WWOX: variants seen among roughly 807,000 people sequenced by gnomAD.
WWOX encodes the protein WW domain containing oxidoreductase, also known as WW domain-containing oxidoreductase.
A neutral mutation model predicts 46.2 loss-of-function variants in WWOX; 69 were observed. The ratio of observed to expected loss-of-function variants is 1.49; its 90% CI spans 1.23 to 1.82. WWOX has a LOEUF of 1.82. Ranked by LOEUF, WWOX falls within the 40% of genes most tolerant of loss-of-function variation. The pLI is 0.00. For synonymous variants in WWOX, 359 were observed against 202.6 expected (o/e 1.77, Z -6.56); for missense variants, 919 against 542.6 (o/e 1.69, Z -6.89).
chr16:78,244,112 T>G (rs34466066), intron 5 of WWOX, among the ~76,000 whole-genome samples: 18,288 of 152,232 alleles, frequency 0.12, 1,325 homozygotes, highest in Non-Finnish European at 0.17. Context: ...GCTCTCCTGT[T>G]TTCTGCCTGT....
At position 78,386,853 on chromosome 16, in the gene WWOX, A is replaced by C; in HGVS notation, c.517-7A>C. ...TTATCATTTCTTTTTATTTTCTCTC[A>C]TTGCAGCATAAAGCCAAGGTAGAAG... On this transcript the variant is annotated splice_polypyrimidine_tract_variant and splice_region_variant and intron_variant, in intron 5 of 8. Coordinates refer to ENST00000566780, the MANE Select transcript of WWOX (RefSeq NM_016373.4). The C allele has an allele frequency of 6.2e-7, 1 of 1,612,436 alleles. No individual in the cohort carries two copies. Among genetic ancestry groups the C allele is most frequent in the Non-Finnish European group, 8.5e-7 (1 of 1,178,522 alleles).
At chr16:78,392,396 G>C (rs1484394962) in intron 6 of WWOX, among the ~76,000 whole-genome samples, 3 of 151,894 alleles carry the variant, frequency 2.0e-5, no homozygotes, top group Admixed American at 6.6e-5. Flanking sequence ...AACAAGCTCA[G>C]GGCTCCCACC....
chr16:78,412,031 G>C (rs914864064), intron 6 of WWOX, among the ~76,000 whole-genome samples: 5 of 152,342 alleles, frequency 3.3e-5, no homozygotes, highest in East Asian at 1.9e-4. Flanking sequence ...TGACTTCCCA[G>C]ATGTGAGGGT....
intron 8 of WWOX, among the ~76,000 whole-genome samples, chr16:78,560,567 C>T (rs1319853328): frequency 6.6e-6 from 1 of 152,112 alleles, no homozygotes; most frequent in Non-Finnish European, 1.5e-5. Context: ...TCCCTTGAAC[C>T]TGGGAGGTGG....
At position 78,342,141 on chromosome 16, in the gene WWOX, A is replaced by G. The variant is rs1355115390; in HGVS notation, c.517-44719A>G. Among the ~76,000 whole-genome samples, 2 of 121,262 alleles carry G rather than the reference A, an allele frequency of 1.6e-5. 1 individual carries two copies. Among genetic ancestry groups the G allele is most frequent in the Non-Finnish European group, 3.9e-5 (2 of 50,718 alleles). 79.6% of individuals were successfully genotyped at this position (121,262 alleles called of 152,430 possible). On this transcript the variant is annotated intron_variant, in intron 5 of 8. Coordinates refer to ENST00000566780, the MANE Select transcript of WWOX (RefSeq NM_016373.4). ...AAGAAAATGTTCAAGAAGAAATACA[A>G]ACTATTGAAAAAGGAAGGCTGAATG... is the stretch of plus-strand genomic sequence containing the variant.
intron 8 of WWOX, among the ~76,000 whole-genome samples, chr16:78,599,794 A>G (rs929654828): frequency 3.3e-5 from 5 of 152,130 alleles, no homozygotes; most frequent in Middle Eastern, 3.4e-3. Flanking sequence ...CAGTCTCTGC[A>G]CTCTGGGTCT....
intron 1 of WWOX, among the ~76,000 whole-genome samples, chr16:78,105,875 C>T (rs1567572191): frequency 6.6e-6 from 1 of 152,116 alleles, no homozygotes; most frequent in African/African-American, 2.4e-5. Flanking sequence ...GATTTTGGCT[C>T]ACTGCAACCT....
intron 8 of WWOX, among the ~76,000 whole-genome samples, chr16:78,819,742 G>A (rs117261936): frequency 0.015 from 2,269 of 152,306 alleles, 28 homozygotes; most frequent in Non-Finnish European, 0.023. Flanking sequence ...CGCCTGCCCT[G>A]CATCACCAGC....
chr16:79,153,275 T>C (rs2050316927), intron 8 of WWOX, among the ~76,000 whole-genome samples: 1 of 152,088 alleles, frequency 6.6e-6, no homozygotes, highest in African/African-American at 2.4e-5. Flanking sequence ...ACTTCCTTTC[T>C]CCAGCTGTGA....
At chr16:78,698,088 A>G (rs991114948) in intron 8 of WWOX, among the ~76,000 whole-genome samples, 1 of 152,206 alleles carries the variant, frequency 6.6e-6, no homozygotes, top group Non-Finnish European at 1.5e-5. Context: ...TATTGTTGTC[A>G]TCATGTATAT....
chr16:79,197,053 G>A (rs1028195672), intron 8 of WWOX, among the ~76,000 whole-genome samples: 2 of 152,198 alleles, frequency 1.3e-5, no homozygotes, highest in African/African-American at 4.8e-5. Flanking sequence ...TATTGACCCA[G>A]TAGGAAGTAT....
At chr16:78,510,042 A>G (rs2085321852) in intron 8 of WWOX, among the ~76,000 whole-genome samples, 1 of 151,146 alleles carries the variant, frequency 6.6e-6, no homozygotes, top group African/African-American at 2.4e-5. Context: ...GGCCTGGGCA[A>G]CAAAGAGAGA....
At chr16:79,040,078 G>A (rs1335137131) in intron 8 of WWOX, among the ~76,000 whole-genome samples, 1 of 152,124 alleles carries the variant, frequency 6.6e-6, no homozygotes. Context: ...TATAAACTGG[G>A]TATAATAATC....
chr16:78,742,341 C>A (rs1192723207), intron 8 of WWOX, among the ~76,000 whole-genome samples: 2 of 152,200 alleles, frequency 1.3e-5, no homozygotes, highest in Non-Finnish European at 2.9e-5. Flanking sequence ...TGGTGAAGGG[C>A]AGCAGCAGGA....
chr16:78,643,405 A>G (rs1222253817), intron 8 of WWOX, among the ~76,000 whole-genome samples: 1 of 152,192 alleles, frequency 6.6e-6, no homozygotes, highest in African/African-American at 2.4e-5. Context: ...GTTCAGGGAC[A>G]GTGCCGGGGC....
At position 78,911,086 on chromosome 16, in the gene WWOX, C is replaced by T. The variant is rs568343454; in HGVS notation, c.1057-300522C>T. 3.9e-5 allele frequency among the ~76,000 whole-genome samples: 6 copies of T among 152,146 alleles called. No homozygotes were observed. In the South Asian group the frequency reaches 1.0e-3, roughly 26 times the overall value. ...CCCCATGTGTGGCTCTCCCCAGGGC[C>T]TCCCTTCTTGTTCTCCCCAGTTGCA... is the stretch of plus-strand genomic sequence containing the variant. On this transcript the variant is annotated intron_variant, in intron 8 of 8. Transcript: ENST00000566780.
At chr16:78,171,575 A>C (rs2035162607) in intron 5 of WWOX, among the ~76,000 whole-genome samples, 1 of 152,132 alleles carries the variant, frequency 6.6e-6, no homozygotes, top group South Asian at 2.1e-4. Context: ...AACGCATCAC[A>C]AGTCACAGGG....
chr16:78,877,153 C>A (rs188949886), intron 8 of WWOX, among the ~76,000 whole-genome samples: 1 of 152,100 alleles, frequency 6.6e-6, no homozygotes, highest in Admixed American at 6.6e-5. Flanking sequence ...TTTAGTCAGA[C>A]GAGGAAGGAA....
intron 8 of WWOX, among the ~76,000 whole-genome samples, chr16:78,801,377 G>A (rs184960960): frequency 1.3e-3 from 205 of 152,200 alleles, no homozygotes; most frequent in African/African-American, 4.7e-3. Context: ...GGGTGTGGTG[G>A]CATGTGCTAT....
Sources: gnomAD v4.1 joint callset for allele counts (sites outside exome capture counted in the v4.1 genomes callset) on GRCh38, gnomAD v4.1.1 for gene constraint, MANE v1.5 for transcripts, NCBI Gene and HGNC (gene_info 2026-07-23, HGNC 2026-07-21) for gene names.